The following RANBP2 variants were observed in gnomAD, a reference collection of about 807,000 sequenced individuals.
The protein encoded by RANBP2 is E3 SUMO-protein ligase RanBP2.
In RANBP2, 57 loss-of-function variants were observed where a neutral mutation model predicts 303.6. The ratio of observed to expected loss-of-function variants is 0.19; its 90% CI spans 0.15 to 0.23. RANBP2 has a LOEUF of 0.23. Among genes scored for constraint, RANBP2 ranks in the 10% least tolerant of loss-of-function variants. RANBP2 has a pLI of 1.00. For missense variants in RANBP2, 3,138 were observed against 3,780.8 expected, an observed-to-expected ratio of 0.83 and a Z score of 4.46; for synonymous variants, 1,167 against 1,301.5, an observed-to-expected ratio of 0.90 and a Z score of 2.23.
At chr2:109,471,630 G>A in the RANBP2 span, among the ~76,000 whole-genome samples, 1 of 152,192 alleles carries the variant, frequency 6.6e-6, no homozygotes, top group Non-Finnish European at 1.5e-5. Flanking sequence ...TGTATTCCAT[G>A]GGTGAGGAGG....
chr2:108,759,234 A>AT (rs1676548102), intron 18 of RANBP2, among the ~76,000 whole-genome samples: 2 of 151,978 alleles, frequency 1.3e-5, no homozygotes, highest in African/African-American at 2.4e-5. Context: ...TGTGAATGTA[A>AT]TTTTATTTAA....
At chr2:108,852,951 TGA>T in the RANBP2 span, among the ~76,000 whole-genome samples, 28 of 152,310 alleles carry the variant, frequency 1.8e-4, no homozygotes, top group South Asian at 5.8e-3. Flanking sequence ...AATGTGTCAC[TGA>T]GAGGATATAG....
chr2:109,681,151 G>A, the RANBP2 span, among the ~76,000 whole-genome samples: 1 of 152,190 alleles, frequency 6.6e-6, no homozygotes, highest in Non-Finnish European at 1.5e-5. Context: ...CACACGGTTA[G>A]GTGGGAGGAG....
the RANBP2 span, among the ~76,000 whole-genome samples, chr2:109,590,704 C>T: frequency 6.6e-6 from 1 of 152,304 alleles, no homozygotes; most frequent in Admixed American, 6.5e-5. Flanking sequence ...GCTAGGATTA[C>T]AGGTGTGAGC....
chr2:109,726,247 A>G, the RANBP2 span, among the ~76,000 whole-genome samples: 1 of 151,846 alleles, frequency 6.6e-6, no homozygotes, highest in Non-Finnish European at 1.5e-5. Context: ...TGTCTCTACT[A>G]AAAATACAAG....
At chr2:109,346,469 G>A in the RANBP2 span, among the ~76,000 whole-genome samples, 3 of 152,134 alleles carry the variant, frequency 2.0e-5, no homozygotes, top group African/African-American at 7.2e-5. Context: ...TGCGGCTTCT[G>A]GTAGGAAAAT....
the RANBP2 span, among the ~76,000 whole-genome samples, chr2:109,452,361 T>C: frequency 2.6e-5 from 4 of 152,206 alleles, no homozygotes; most frequent in Non-Finnish European, 4.4e-5. Context: ...TGTCTAATTA[T>C]GGCAAAGGTT....
At chr2:108,967,225 G>A in the RANBP2 span, among the ~76,000 whole-genome samples, 58 of 152,294 alleles carry the variant, frequency 3.8e-4, 1 homozygote, top group South Asian at 4.3e-3. Context: ...ATGAGCCACT[G>A]CACCCGGCCA....
chr2:109,641,138 T>C, the RANBP2 span, among the ~76,000 whole-genome samples: 1 of 141,628 alleles, frequency 7.1e-6, no homozygotes, highest in South Asian at 2.4e-4. Flanking sequence ...TATTTATTTG[T>C]TTGTTTGTTT....
the RANBP2 span, among the ~76,000 whole-genome samples, chr2:108,845,787 G>C: frequency 6.6e-6 from 1 of 152,082 alleles, no homozygotes. Context: ...TAGCCAGGAT[G>C]GTCTCGATCT....
the RANBP2 span, among the ~76,000 whole-genome samples, chr2:109,649,944 G>A: frequency 2.3e-4 from 35 of 152,284 alleles, no homozygotes; most frequent in Non-Finnish European, 4.1e-4. Context: ...TGGAGGCCAC[G>A]GCCCCACCCT....
At chr2:109,647,154 A>ATT in the RANBP2 span, among the ~76,000 whole-genome samples, 2 of 87,776 alleles carry the variant, frequency 2.3e-5, no homozygotes, top group African/African-American at 9.6e-5. Flanking sequence ...GGCTCTCCTC[A>ATT]CTTTTTTTTT....
chr2:109,603,984 AC>A, the RANBP2 span, among the ~76,000 whole-genome samples: 1 of 151,226 alleles, frequency 6.6e-6, no homozygotes, highest in Admixed American at 6.6e-5. Flanking sequence ...ACACGGTGAA[AC>A]CCCATCTCTA....
chr2:108,866,845 G>A, the RANBP2 span, among the ~76,000 whole-genome samples: 1 of 151,522 alleles, frequency 6.6e-6, no homozygotes, highest in Admixed American at 6.6e-5. Context: ...ATCACGCCAC[G>A]GCACTCCAGC....
chr2:109,121,743 C>G, the RANBP2 span, among the ~76,000 whole-genome samples: 1 of 152,258 alleles, frequency 6.6e-6, no homozygotes, highest in East Asian at 1.9e-4. Flanking sequence ...TCATCTATCA[C>G]CTCCAGGAAA....
chr2:109,011,913 A>ATGTG, the RANBP2 span, among the ~76,000 whole-genome samples: 7 of 151,148 alleles, frequency 4.6e-5, no homozygotes, highest in Non-Finnish European at 8.9e-5. Context: ...GTATGTGCAT[A>ATGTG]TGTGTGTGTG....
Position 108,777,126 on chromosome 2 carries a change from C to T in RANBP2, c.8498-4C>T. 6.2e-7 allele frequency: 1 copy of T among 1,611,370 alleles called. No homozygotes were observed. Among genetic ancestry groups the T allele is most frequent in the Non-Finnish European group, 8.5e-7 (1 of 1,178,350 alleles). ...AGTAAATTGTTCTTTTTTTCTTTTG[C>T]CAGGGGAAAGCAAGATAGTTTCATT... On this transcript the variant is annotated splice_polypyrimidine_tract_variant and splice_region_variant and intron_variant, in intron 24 of 28. Transcript: ENST00000283195.
chr2:109,396,402 G>A, the RANBP2 span, among the ~76,000 whole-genome samples: 53 of 152,312 alleles, frequency 3.5e-4, no homozygotes, highest in African/African-American at 1.3e-3. Context: ...GCAGATATTC[G>A]TAGTGGAAAT....
At chr2:109,228,686 T>A in the RANBP2 span, among the ~76,000 whole-genome samples, 1 of 152,226 alleles carries the variant, frequency 6.6e-6, no homozygotes, top group Admixed American at 6.5e-5. Context: ...GAGGGCATGA[T>A]AAAAGATACA....
Sources: gnomAD v4.1 joint callset for allele counts (sites outside exome capture counted in the v4.1 genomes callset) on GRCh38, gnomAD v4.1.1 for gene constraint, MANE v1.5 for transcripts, NCBI Gene and HGNC (gene_info 2026-07-23, HGNC 2026-07-21) for gene names.